Variants in USP37 observed in about 807,000 individuals in gnomAD.
USP37 encodes ubiquitin carboxyl-terminal hydrolase 37.
USP37 carries 27 observed loss-of-function variants against 124.0 expected under a neutral mutation model. The observed-to-expected ratio is 0.22, with a 90% CI of 0.16 to 0.30. USP37 has a LOEUF of 0.30. Among genes scored for constraint, USP37 ranks in the 10% least tolerant of loss-of-function variants. The pLI is 1.00. For missense variants in USP37, 889 were observed against 1,140.4 expected (o/e 0.78, Z 3.17); for synonymous variants, 365 against 388.0 (o/e 0.94, Z 0.70).
chr2:218,461,193 G>A (rs1689999855), intron 22 of USP37, among the ~76,000 whole-genome samples: 1 of 152,088 alleles, frequency 6.6e-6, no homozygotes, highest in Admixed American at 6.6e-5. Flanking sequence ...ACAGTATAGT[G>A]TGATTTACAA....
At chr2:218,486,683 C>G (rs60362609) in intron 15 of USP37, among the ~76,000 whole-genome samples, 100,282 of 151,466 alleles carry the variant, frequency 0.66, 33,614 homozygotes, top group East Asian at 0.9. Context: ...TTGGCCTCAC[C>G]TTGGGATTAC....
At chr2:218,560,653 A>T (rs557383551) in intron 3 of USP37, among the ~76,000 whole-genome samples, 167 bp downstream of exon 3, 1 of 152,354 alleles carries the variant, frequency 6.6e-6, no homozygotes, top group South Asian at 2.1e-4. Context: ...TTGCTACCCA[A>T]TCTAGCCAAT....
chr2:218,454,938 C>T lies in USP37; in HGVS notation c.2932G>A (p.Ala978Thr). ...STEVGKTTRQ[A>T]L ...ACCCAGGAGTTTGTTCCTCACAAGG[C>T]CTGACGGGTAGTCTTCCCCACTTCC... Residue 978 changes from alanine (A) to threonine (T), a missense_variant, in exon 26 of 26, where the codon GCC becomes ACC. Ala to Thr is a moderately conservative substitution (Grantham distance 58). This residue lies in a region of USP37 where 504 missense variants were observed against 714.3 expected (regional missense o/e 0.71). Coordinates refer to ENST00000258399, the MANE Select transcript of USP37 (RefSeq NM_020935.3). The T allele has an allele frequency of 6.2e-7, 1 of 1,614,084 alleles. No homozygotes were observed. Among genetic ancestry groups the T allele is most frequent in the African/African-American group, 1.3e-5 (1 of 75,036 alleles).
At chr2:218,460,023 G>T in intron 22 of USP37, 118 bp from the exon 23 acceptor site, 1 of 553,918 alleles carries the variant, frequency 1.8e-6, no homozygotes, top group Non-Finnish European at 3.1e-6. Context: ...CTGAGGTCAG[G>T]AGTTCGAGAC....
intron 1 of USP37, among the ~76,000 whole-genome samples, chr2:218,567,956 G>A (rs1234292559): frequency 2.0e-5 from 3 of 152,192 alleles, no homozygotes; most frequent in Non-Finnish European, 4.4e-5. Context: ...GTTTCGGAGG[G>A]AGCGAGTGGC....
chr2:218,514,937 T>C (rs1690192135), intron 10 of USP37, among the ~76,000 whole-genome samples: 1 of 152,216 alleles, frequency 6.6e-6, no homozygotes, highest in African/African-American at 2.4e-5. Flanking sequence ...ACTATAATTG[T>C]TCTAGTTTGG....
rs531268988 is a variant in USP37, at chr2:218,493,266, T to C, written c.1472+2494A>G. Among the ~76,000 whole-genome samples, 4 of 152,260 alleles carry C rather than the reference T, an allele frequency of 2.6e-5. No homozygotes were observed. The South Asian group carries it at 8.3e-4, about 32-fold the overall frequency. ...TGTTAGAGAACTGTCCTAAATAAAA[T>C]TACTAATGAAGCAACAGAACCCTAT... is the stretch of plus-strand genomic sequence containing the variant. On this transcript the variant is annotated intron_variant, in intron 14 of 25. Transcript: ENST00000258399.
At chr2:218,558,827 T>G in intron 3 of USP37, 150 bp from the exon 4 acceptor site, 1 of 495,658 alleles carries the variant, frequency 2.0e-6, no homozygotes. Context: ...TCCAGTACTG[T>G]ATTTATTAGT....
At chr2:218,505,753 T>C (rs768554798) in intron 11 of USP37, among the ~76,000 whole-genome samples, 63 of 152,170 alleles carry the variant, frequency 4.1e-4, no homozygotes, top group Non-Finnish European at 8.1e-4. Context: ...TGTACTAAGA[T>C]ATGTCTTGAT....
chr2:218,515,006 T>C (rs547866065), intron 10 of USP37, among the ~76,000 whole-genome samples: 1 of 152,318 alleles, frequency 6.6e-6, no homozygotes, highest in East Asian at 1.9e-4. Context: ...CTCATACTTT[T>C]TTGTGCATAT....
At chr2:218,496,100 C>G (rs561066724) in intron 13 of USP37, 150 bp from the exon 14 acceptor site, 1 of 662,562 alleles carries the variant, frequency 1.5e-6, no homozygotes, top group African/African-American at 1.9e-5. Flanking sequence ...TCGAGACCAG[C>G]CCGGCCAACA....
chr2:218,456,919 G>A (rs1054959371), intron 24 of USP37, among the ~76,000 whole-genome samples, 173 bp downstream of exon 24: 1 of 151,550 alleles, frequency 6.6e-6, no homozygotes, highest in Non-Finnish European at 1.5e-5. Context: ...GCAGTGAGCC[G>A]AGATTGTGCC....
chr2:218,526,236 A>AT (rs1319179597), intron 10 of USP37, among the ~76,000 whole-genome samples: 8 of 151,372 alleles, frequency 5.3e-5, no homozygotes, highest in African/African-American at 1.7e-4. Flanking sequence ...ATGGTTATTT[A>AT]TTTATTTTTT....
intron 3 of USP37, among the ~76,000 whole-genome samples, chr2:218,559,185 C>T (rs903572134): frequency 1.3e-5 from 2 of 152,038 alleles, no homozygotes; most frequent in African/African-American, 2.4e-5. Context: ...GTGATACACG[C>T]CTATAGTCTC....
rs1239013741 is a variant in USP37 at position 218,451,528 on chromosome 2, T to C, written c.*3402A>G. On this transcript the variant is annotated 3_prime_UTR_variant, in exon 26 of 26. Transcript: ENST00000258399. ...GTAGATCACAAATGAGTTTACAAAC[T>C]ACTTTTTTTTCTCTTTAATTTAGGT... The C allele has an allele frequency of 6.6e-6, 1 of 151,788 alleles. No individual in the cohort carries two copies. The highest frequency in any genetic ancestry group is 1.5e-5 in the Non-Finnish European group (1 of 68,018). The allele number at this position is 151,788 out of a possible 1,614,324, so 9.4% of individuals were successfully genotyped here. A position where few individuals can be genotyped will look rare whatever the true frequency, so the allele number is the denominator to read the frequency against.
intron 20 of USP37, among the ~76,000 whole-genome samples, chr2:218,468,270 T>C (rs1359552081): frequency 2.6e-5 from 4 of 151,912 alleles, no homozygotes; most frequent in Non-Finnish European, 4.4e-5. Context: ...AAGGGCGTGA[T>C]TGTGGCTCAT....
intron 11 of USP37, 58 bp from the exon 12 acceptor site, chr2:218,498,215 G>A: frequency 1.3e-6 from 2 of 1,488,034 alleles, no homozygotes; most frequent in Non-Finnish European, 1.8e-6. Context: ...AGTATGTTCA[G>A]TATAGTAGGA....
chr2:218,566,106 A>G (rs1049322438), intron 1 of USP37, among the ~76,000 whole-genome samples: 1 of 152,200 alleles, frequency 6.6e-6, no homozygotes, highest in African/African-American at 2.4e-5. Context: ...AGCAAGATAC[A>G]TGGAATGATG....
At position 218,455,514 on chromosome 2, in the gene USP37, A is replaced by C. The variant is rs78333220; in HGVS notation, c.2852+66T>G. 8.3e-6 allele frequency: 3 copies of C among 360,908 alleles called. No homozygotes were observed. The East Asian group carries it at 1.1e-3, about 131-fold the overall frequency. 22.4% of individuals were successfully genotyped at this position (360,908 alleles called of 1,614,324 possible). ...GGAAACATTTTATCCTCAAAGGAAA[A>C]AAAAAAAAAAAAAAGAGTTCCGGTG... On this transcript the variant is annotated intron_variant, in intron 25 of 25. Coordinates refer to ENST00000258399, the MANE Select transcript of USP37 (RefSeq NM_020935.3).
Sources: allele counts gnomAD v4.1 joint callset (sites outside exome capture counted in the v4.1 genomes callset), GRCh38; gene constraint gnomAD v4.1.1; regional missense constraint gnomAD v4.1.1; transcripts MANE v1.5; gene names NCBI Gene and HGNC (gene_info 2026-07-23, HGNC 2026-07-21).